Variants in PDZD2 observed in about 807,000 individuals in gnomAD.
The protein encoded by PDZD2 is PDZ domain-containing protein 2.
Under a neutral mutation model 220.7 loss-of-function variants are expected in PDZD2, and 90 were observed. That is an observed-to-expected ratio of 0.41 (90% CI 0.34 to 0.49). PDZD2 has a LOEUF of 0.49. PDZD2 is among the 20% of genes least tolerant of loss of function. The pLI is 0.28. For synonymous variants in PDZD2, 1,375 were observed against 1,450.5 expected (o/e 0.95, Z 1.18); for missense variants, 3,174 against 3,608.5 (o/e 0.88, Z 3.08).
At chr5:31,659,683 G>T (rs2150111119) in intron 1 of PDZD2, among the ~76,000 whole-genome samples, 1 of 152,240 alleles carries the variant, frequency 6.6e-6, no homozygotes, top group African/African-American at 2.4e-5. Flanking sequence ...TCTCATTTCT[G>T]GTCTGGAAGC....
At chr5:31,698,411 C>T (rs1207840834) in intron 1 of PDZD2, among the ~76,000 whole-genome samples, 4 of 145,054 alleles carry the variant, frequency 2.8e-5, no homozygotes, top group South Asian at 2.2e-4. Flanking sequence ...CTGGTTAACA[C>T]GGTGAAACCC....
chr5:31,957,779 A>G (rs7724279), intron 2 of PDZD2, among the ~76,000 whole-genome samples: 48,071 of 152,128 alleles, frequency 0.32, 8,056 homozygotes, highest in Middle Eastern at 0.41. Context: ...GTTCTCCTCA[A>G]GATGACTTCC....
chr5:31,731,309 G>A (rs1445808528), intron 1 of PDZD2, among the ~76,000 whole-genome samples: 2 of 152,162 alleles, frequency 1.3e-5, no homozygotes, highest in Non-Finnish European at 2.9e-5. Flanking sequence ...GCTTACTCAG[G>A]ATTGGTTTTA....
intron 1 of PDZD2, among the ~76,000 whole-genome samples, chr5:31,793,816 A>T (rs904996347): frequency 2.6e-5 from 4 of 152,178 alleles, no homozygotes; most frequent in African/African-American, 7.2e-5. Flanking sequence ...AAAAATTTTT[A>T]AAAAGCTTTA....
chr5:32,000,357 CAA>C lies in PDZD2; in HGVS notation c.1254+88_1254+89del. On this transcript the variant is annotated intron_variant, in intron 5 of 24. Transcript: ENST00000438447. The surrounding 1 kb of genome is among the most constrained non-coding windows in gnomAD (Gnocchi z 4.5). Reference sequence around the variant, plus strand: ...CCACCTCCCATGCCACACACACACACAAAGACATGTGTGCACTTGTACGTTTG... The same window carrying C: ...CCACCTCCCATGCCACACACACACACAGACATGTGTGCACTTGTACGTTTG... The C allele has an allele frequency of 7.3e-7, 1 of 1,365,288 alleles. No homozygotes were observed. Among genetic ancestry groups the C allele is most frequent in the Non-Finnish European group, 1.0e-6 (1 of 960,332 alleles). The allele number at this position is 1,365,288 out of a possible 1,614,324, so 84.6% of individuals were successfully genotyped here.
At chr5:31,652,473 C>A (rs1197294368) in intron 1 of PDZD2, among the ~76,000 whole-genome samples, 5 of 152,214 alleles carry the variant, frequency 3.3e-5, no homozygotes, top group African/African-American at 1.2e-4. Context: ...ATCTTCTCAA[C>A]ATGACACTCA....
At chr5:31,849,903 T>TATATACATATATATATAC (rs1450655207) in intron 2 of PDZD2, among the ~76,000 whole-genome samples, 1 of 25,676 alleles carries the variant, frequency 3.9e-5, no homozygotes, top group Non-Finnish European at 6.4e-5. Flanking sequence ...TATATATATA[T>TATATACATATATATATAC]ACATATATAT....
At chr5:31,753,007 T>C (rs1261236453) in intron 1 of PDZD2, among the ~76,000 whole-genome samples, 2 of 152,174 alleles carry the variant, frequency 1.3e-5, no homozygotes, top group African/African-American at 2.4e-5. Context: ...AGGCACTTGA[T>C]GATTATTATT....
intron 2 of PDZD2, among the ~76,000 whole-genome samples, chr5:31,885,961 A>G (rs1035406249): frequency 6.6e-5 from 10 of 151,628 alleles, no homozygotes; most frequent in African/African-American, 2.2e-4. Flanking sequence ...TCCAGGCTGG[A>G]GTGCAGTGGC....
intron 2 of PDZD2, among the ~76,000 whole-genome samples, chr5:31,960,374 C>T (rs1748108367): frequency 6.6e-6 from 1 of 152,100 alleles, no homozygotes; most frequent in Non-Finnish European, 1.5e-5. Flanking sequence ...TACACCACTA[C>T]ACCACGCCCG....
At chr5:31,800,330 T>C (rs1754319284) in intron 2 of PDZD2, among the ~76,000 whole-genome samples, 1 of 151,980 alleles carries the variant, frequency 6.6e-6, no homozygotes. Flanking sequence ...CCCAGTGGAG[T>C]TGTGCAGACG....
chr5:32,079,100 A>T (rs1338274343), intron 19 of PDZD2, among the ~76,000 whole-genome samples: 1 of 151,528 alleles, frequency 6.6e-6, no homozygotes. Flanking sequence ...CCTCTACTAA[A>T]CATAAAAAAA....
intron 6 of PDZD2, among the ~76,000 whole-genome samples, chr5:32,025,526 AAAACAAACAAACAAAC>A (rs148530473): frequency 1.5e-4 from 21 of 140,276 alleles, no homozygotes; most frequent in African/African-American, 5.1e-4. Flanking sequence ...ACTCTGTCAC[AAAACAAACAAACAAAC>A]AAACAAACAA....
At chr5:31,854,944 C>G in intron 2 of PDZD2, 1 of 984,770 alleles carries the variant, frequency 1.0e-6, no homozygotes. Context: ...GACCTGGAGC[C>G]GGCGGAGAGC....
chr5:31,790,794 G>C (rs961667668), intron 1 of PDZD2, among the ~76,000 whole-genome samples: 11 of 147,410 alleles, frequency 7.5e-5, no homozygotes, highest in African/African-American at 1.2e-4. Flanking sequence ...CGCCTCCTGG[G>C]TTCATGCCAT....
At chr5:32,027,385 G>A (rs757141872) in intron 6 of PDZD2, among the ~76,000 whole-genome samples, 21 of 152,128 alleles carry the variant, frequency 1.4e-4, no homozygotes, top group South Asian at 4.1e-4. Context: ...AAATTTCAAC[G>A]CATAAAAATA....
intron 20 of PDZD2, 28 bp from the exon 21 acceptor site, chr5:32,092,879 G>A: frequency 8.7e-7 from 1 of 1,148,580 alleles, no homozygotes; most frequent in Non-Finnish European, 1.3e-6. Flanking sequence ...TTTCTTTAAT[G>A]TTCTTCAAAT....
chr5:32,049,132 A>C (rs1738264449), intron 8 of PDZD2, among the ~76,000 whole-genome samples: 1 of 151,982 alleles, frequency 6.6e-6, no homozygotes. Context: ...GTAATGACTC[A>C]AGCAGCCAAG....
At chr5:31,941,893 A>G (rs538268605) in intron 2 of PDZD2, among the ~76,000 whole-genome samples, 5 of 152,346 alleles carry the variant, frequency 3.3e-5, no homozygotes, top group African/African-American at 1.2e-4. Flanking sequence ...ATTTGTTGCC[A>G]CTGGGATTTC....
Sources: gnomAD v4.1 joint callset for allele counts (sites outside exome capture counted in the v4.1 genomes callset) on GRCh38, gnomAD v4.1.1 for gene constraint, Gnocchi (gnomAD v3.1) non-coding constraint, MANE v1.5 for transcripts, NCBI Gene and HGNC (gene_info 2026-07-23, HGNC 2026-07-21) for gene names.